The following ZNF654 variants were observed in gnomAD, a reference collection of about 807,000 sequenced individuals.
ZNF654 encodes zinc finger protein 654.
Under a neutral mutation model 95.3 loss-of-function variants are expected in ZNF654, and 19 were observed. The observed-to-expected ratio is 0.20, with a 90% confidence interval of 0.14 to 0.29. The LOEUF is 0.29. Ranked by LOEUF, ZNF654 falls within the 10% of genes least tolerant of loss-of-function variation. The pLI, the probability that ZNF654 is intolerant of heterozygous loss-of-function variation, is 1.00. For synonymous variants in ZNF654, 413 were observed against 457.9 expected (o/e 0.90, Z 1.25); for missense variants, 1,046 against 1,341.0 (o/e 0.78, Z 3.44).
At chr3:88,090,458 A>G (rs934738714) in intron 2 of ZNF654, among the ~76,000 whole-genome samples, 3 of 152,188 alleles carry the variant, frequency 2.0e-5, no homozygotes, top group African/African-American at 7.2e-5. Flanking sequence ...AAATATTTTT[A>G]TACAGCTGTA....
chr3:88,096,309 GTAT>G (rs1704053761), intron 2 of ZNF654, among the ~76,000 whole-genome samples: 1 of 152,102 alleles, frequency 6.6e-6, no homozygotes, highest in Admixed American at 6.6e-5. Flanking sequence ...GAAGAAGAAA[GTAT>G]TACTAGAGCC....
intron 2 of ZNF654, among the ~76,000 whole-genome samples, chr3:88,094,124 TTGG>T (rs1362275590): frequency 6.6e-6 from 1 of 151,008 alleles, no homozygotes; most frequent in South Asian, 2.1e-4. Flanking sequence ...TTTGAGGCAG[TTGG>T]TGGTCTTAAT....
chr3:88,097,612 C>T (rs752853112), intron 2 of ZNF654, among the ~76,000 whole-genome samples: 4 of 152,062 alleles, frequency 2.6e-5, no homozygotes, highest in Admixed American at 6.6e-5. Flanking sequence ...TGTAAAAGAA[C>T]AGAAATCACA....
At chr3:88,099,522 A>G (rs1704274602) in intron 2 of ZNF654, among the ~76,000 whole-genome samples, 1 of 150,572 alleles carries the variant, frequency 6.6e-6, no homozygotes, top group African/African-American at 2.4e-5. Flanking sequence ...TTGCCAAGAC[A>G]ATCCTAAGCC....
At chr3:88,121,823 A>G (rs1705786300) in intron 3 of ZNF654, among the ~76,000 whole-genome samples, 1 of 152,186 alleles carries the variant, frequency 6.6e-6, no homozygotes, top group Admixed American at 6.5e-5. Flanking sequence ...TAACTTGCTT[A>G]TGAGTGAATT....
intron 3 of ZNF654, among the ~76,000 whole-genome samples, chr3:88,117,447 C>G (rs988396384): frequency 6.6e-6 from 1 of 151,736 alleles, no homozygotes; most frequent in Non-Finnish European, 1.5e-5. Flanking sequence ...AGTTGTCAAG[C>G]CCTATAGTTT....
chr3:88,130,243 C>G (rs992250925), intron 6 of ZNF654, among the ~76,000 whole-genome samples: 2 of 152,096 alleles, frequency 1.3e-5, no homozygotes, highest in African/African-American at 4.8e-5. Context: ...TCCTCAGCTC[C>G]AGTACACCCA....
In ZNF654 at chr3:88,140,915, C is replaced by T. The variant is rs551870040; in HGVS notation, c.3246C>T (p.Asn1082=). ...TAGATGCCTGTTCTGATCAAGATAA[C>T]GTGTATAAAAAATCAGTGAAAAGAT... is the stretch of plus-strand genomic sequence containing the variant. ...DRVDACSDQD[N]VYKKSVKRLR... The change falls in exon 8 of 9, where the codon AAC becomes AAT. Residue 1082 remains asparagine (N), a synonymous_variant. Coordinates refer to ENST00000636215, the MANE Select transcript of ZNF654 (RefSeq NM_001350134.2). 20 of 1,613,454 alleles carry T rather than the reference C, an allele frequency of 1.2e-5. No individual in the cohort carries two copies. The highest frequency in any genetic ancestry group is 4.4e-5 in the South Asian group (4 of 91,068).
intron 3 of ZNF654, among the ~76,000 whole-genome samples, chr3:88,121,674 C>T (rs1267711000): frequency 2.0e-5 from 3 of 152,080 alleles, no homozygotes; most frequent in Non-Finnish European, 4.4e-5. Context: ...ATGAGATAAC[C>T]AATCAATGTG....
At chr3:88,069,484 C>T (rs1478373577) in intron 1 of ZNF654, among the ~76,000 whole-genome samples, 1 of 152,182 alleles carries the variant, frequency 6.6e-6, no homozygotes, top group African/African-American at 2.4e-5. Context: ...ATGGGATATG[C>T]TTAGATGAGA....
In ZNF654 at chr3:88,086,249, T is replaced by C. The variant is rs1708331679; in HGVS notation, c.187-8T>C. The C allele has an allele frequency of 6.5e-7, 1 of 1,530,696 alleles. No individual in the cohort carries two copies. Among genetic ancestry groups the C allele is most frequent in the Non-Finnish European group, 8.7e-7 (1 of 1,145,722 alleles). The allele number at this position is 1,530,696 out of a possible 1,614,324, so 94.8% of individuals were successfully genotyped here. Reference sequence around the variant, plus strand: ...TCTATAGTAATGTCTGGATTGCTTCTCTGTCAGGTGGTTGAAGATTATGCT... The same window carrying C: ...TCTATAGTAATGTCTGGATTGCTTCCCTGTCAGGTGGTTGAAGATTATGCT... On this transcript the variant is annotated splice_polypyrimidine_tract_variant and splice_region_variant and intron_variant, in intron 1 of 8. Transcript: ENST00000636215.
intron 1 of ZNF654, among the ~76,000 whole-genome samples, chr3:88,067,204 T>A (rs1201545349): frequency 6.6e-6 from 1 of 152,204 alleles, no homozygotes; most frequent in Non-Finnish European, 1.5e-5. Flanking sequence ...CTTTGGTAAG[T>A]GCTATGAAGA....
At chr3:88,084,866 T>C (rs1708256386) in intron 1 of ZNF654, among the ~76,000 whole-genome samples, 1 of 152,170 alleles carries the variant, frequency 6.6e-6, no homozygotes, top group Admixed American at 6.5e-5. Flanking sequence ...CTTAGTAGGT[T>C]TTCATCACAG....
At chr3:88,089,066 C>T (rs1183083838) in intron 2 of ZNF654, among the ~76,000 whole-genome samples, 5 of 151,388 alleles carry the variant, frequency 3.3e-5, no homozygotes, top group Non-Finnish European at 5.9e-5. Flanking sequence ...AGCTACCACG[C>T]CTGACCTAAA....
intron 2 of ZNF654, among the ~76,000 whole-genome samples, chr3:88,103,870 G>A (rs1472093595): frequency 3.4e-5 from 5 of 148,334 alleles, no homozygotes; most frequent in South Asian, 2.1e-4. Flanking sequence ...GGGGTCAAGC[G>A]ATTCTTCTGC....
intron 3 of ZNF654, among the ~76,000 whole-genome samples, chr3:88,120,697 G>A (rs1349696551): frequency 2.6e-5 from 4 of 151,970 alleles, no homozygotes; most frequent in Non-Finnish European, 5.9e-5. Context: ...CTCTTTATGC[G>A]TATATTACTT....
chr3:88,095,125 G>T (rs914422753), intron 2 of ZNF654, among the ~76,000 whole-genome samples: 1 of 152,066 alleles, frequency 6.6e-6, no homozygotes, highest in South Asian at 2.1e-4. Flanking sequence ...TTAAGCTTTG[G>T]TATCTTGAAA....
At chr3:88,080,396 C>G (rs1708018179) in intron 1 of ZNF654, among the ~76,000 whole-genome samples, 1 of 152,010 alleles carries the variant, frequency 6.6e-6, no homozygotes, top group African/African-American at 2.4e-5. Context: ...TCTGTACTGT[C>G]TTTATATCTG....
At chr3:88,095,932 C>G (rs555149598) in intron 2 of ZNF654, 1 of 369,660 alleles carries the variant, frequency 2.7e-6, no homozygotes, top group African/African-American at 2.2e-5. Context: ...TCTTCATTCT[C>G]TGATGAAATG....
Sources: allele counts gnomAD v4.1 joint callset (sites outside exome capture counted in the v4.1 genomes callset), GRCh38; gene constraint gnomAD v4.1.1; transcripts MANE v1.5; gene names NCBI Gene and HGNC (gene_info 2026-07-23, HGNC 2026-07-21).